POTEF: variants seen among roughly 807,000 people sequenced by gnomAD.
The protein encoded by POTEF is ANKRD26-like family C member 1B.
Under a neutral mutation model 83.2 loss-of-function variants are expected in POTEF, and 20 were observed. The ratio of observed to expected loss-of-function variants is 0.24; its 90% CI spans 0.17 to 0.35. POTEF has a LOEUF of 0.35. Among genes scored for constraint, POTEF ranks in the 10% least tolerant of loss-of-function variants. The probability of loss-of-function intolerance (pLI) is 1.00; values close to 1 mark genes in which losing one functional copy is unlikely to be tolerated. For synonymous variants in POTEF, 196 were observed against 446.4 expected, an observed-to-expected ratio of 0.44 and a Z score of 7.07; for missense variants, 550 against 1,203.2, an observed-to-expected ratio of 0.46 and a Z score of 8.03.
intron 2 of POTEF, among the ~76,000 whole-genome samples, chr2:130,123,064 T>C (rs1401927414): frequency 1.5e-5 from 2 of 135,442 alleles, no homozygotes; most frequent in Admixed American, 1.6e-4. Flanking sequence ...AATCCATCTG[T>C]TGTAATACAC....
At position 130,114,978 on chromosome 2, in the gene POTEF, T is replaced by C; in HGVS notation, c.713A>G (p.Tyr238Cys). ...AGCGTAGTGCAGAGTGGTATTTCCA[T>C]ACTCATCTGGAATATTTGGATCAGT... The part of the protein sequence containing the change: ...HGTDPNIPDE[Y>C]GNTTLHYAIY... The change falls in exon 5 of 17, where the codon TAT becomes TGT. Residue 238 changes from tyrosine to cysteine, a missense_variant. By Grantham distance (194) the Tyr-to-Cys change is radical. Transcript: ENST00000409914. 6.5e-7 allele frequency: 1 copy of C among 1,528,336 alleles called. No individual in the cohort carries two copies. Among genetic ancestry groups the C allele is most frequent in the East Asian group, 2.3e-5 (1 of 42,648 alleles). The allele number at this position is 1,528,336 out of a possible 1,614,324, so 94.7% of individuals were successfully genotyped here.
In POTEF at chr2:130,075,289, C is replaced by A. The variant is rs755975114; in HGVS notation, c.2183G>T (p.Arg728Leu). 3.1e-6 allele frequency: 5 copies of A among 1,612,376 alleles called. No homozygotes were observed. The change falls in exon 17 of 17, where the codon CGG becomes CTG. Residue 728 changes from arginine (R) to leucine (L), a missense_variant. Arg to Leu is a moderately radical substitution (Grantham distance 102). Transcript: ENST00000409914. ...KAGFAGDDAP[R>L]AVFPSIVGRP... ...CCCCACGATGGAAGGGAAGACAGCC[C>A]GGGGGGCATCGTCGCCCGCAAAGCC...
rs1357120072 is a variant in POTEF, at chr2:130,087,633, T to A, written c.1551+434A>T. On this transcript the variant is annotated intron_variant, in intron 13 of 16. Transcript: ENST00000409914. Reference sequence around the variant, plus strand: ...AATAAATTTTAAGAATCTATTAAAATTTTTTTTTTTTTTTTTTTCACATGG... The same window carrying A: ...AATAAATTTTAAGAATCTATTAAAAATTTTTTTTTTTTTTTTTTCACATGG... Among the ~76,000 whole-genome samples the A allele has an allele frequency of 2.2e-4, 29 of 131,700 alleles. No individual in the cohort carries two copies. The East Asian group carries it at 3.0e-3, about 14-fold the overall frequency. 86.4% of individuals were successfully genotyped at this position (131,700 alleles called of 152,430 possible). A position where few individuals can be genotyped will look rare whatever the true frequency, so the allele number is the denominator to read the frequency against.
chr2:130,112,963 CA>C (rs1160697651), intron 5 of POTEF, among the ~76,000 whole-genome samples: 1 of 151,856 alleles, frequency 6.6e-6, no homozygotes, highest in African/African-American at 2.4e-5. Flanking sequence ...AGACTACTCA[CA>C]GCAAATTTCT....
chr2:130,075,412 T>G lies in POTEF; in HGVS notation c.2060A>C (p.Asn687Thr), dbSNP rs573296979. 5 of 1,611,506 alleles carry G rather than the reference T, an allele frequency of 3.1e-6. No homozygotes were observed. The African/African-American group carries it at 6.7e-5, about 22-fold the overall frequency. ...TTGTAGAGCCTTTAAAAGATTATCA[T>G]TCCTTTTTTTCACACTTTCAATATC... is the stretch of plus-strand genomic sequence containing the variant. Reference protein sequence around the residue: ...LEDIESVKKRNDNLLKALQLN... With the variant: ...LEDIESVKKRTDNLLKALQLN... Residue 687 changes from asparagine (N) to threonine (T), a missense_variant, in exon 17 of 17, where the codon AAT (asparagine) becomes ACT (threonine). Coordinates refer to ENST00000409914, the MANE Select transcript of POTEF (RefSeq NM_001099771.2).
At chr2:130,117,661 T>C (rs1018996284) in intron 3 of POTEF, among the ~76,000 whole-genome samples, 3 of 151,942 alleles carry the variant, frequency 2.0e-5, no homozygotes, top group African/African-American at 7.3e-5. Flanking sequence ...GTCCATCCTA[T>C]GGATGCACTG....
chr2:130,119,202 T>C lies in POTEF; in HGVS notation c.521+793A>G, dbSNP rs13408907. 2.6e-3 allele frequency among the ~76,000 whole-genome samples: 400 copies of C among 151,156 alleles called. 4 individuals are homozygous for C. Among genetic ancestry groups the C allele is most frequent in the African/African-American group, 8.6e-3 (352 of 40,748 alleles). ...TTTTTGAAACGGAGTCTCGCTCTGT[T>C]GCCCAGGCTGGAGTGCAGTGGCACT... On this transcript the variant is annotated intron_variant, in intron 3 of 16. Coordinates refer to ENST00000409914, the MANE Select transcript of POTEF (RefSeq NM_001099771.2).
At chr2:130,115,426 C>G (rs971802006) in intron 3 of POTEF, 98 bp from the exon 4 acceptor site, 17 of 1,200,806 alleles carry the variant, frequency 1.4e-5, no homozygotes, top group Middle Eastern at 2.8e-4. Context: ...CCTGCTATTA[C>G]TCTGCCTTCA....
intron 2 of POTEF, among the ~76,000 whole-genome samples, chr2:130,123,144 T>G (rs1164288448): frequency 7.4e-6 from 1 of 134,912 alleles, no homozygotes; most frequent in African/African-American, 2.9e-5. Flanking sequence ...GTCTAGTTGT[T>G]ATTTAAAAAA....
In POTEF at chr2:130,073,974, A is replaced by G. The variant is rs1230238621; in HGVS notation, c.*270T>C. 1.5e-5 allele frequency: 10 copies of G among 667,186 alleles called. No homozygotes were observed. The African/African-American group carries it at 1.6e-4, about 11-fold the overall frequency. The allele number at this position is 667,186 out of a possible 1,614,324, so 41.3% of individuals were successfully genotyped here. A position where few individuals can be genotyped will look rare whatever the true frequency, so the allele number is the denominator to read the frequency against. ...GCAGGGCAAGGGGCTTCCTGAAACAATGCGTCTCACAATATTTGGAATGAC... is the reference window on the plus strand; with the variant it reads ...GCAGGGCAAGGGGCTTCCTGAAACAGTGCGTCTCACAATATTTGGAATGAC... On this transcript the variant is annotated 3_prime_UTR_variant, in exon 17 of 17. Coordinates refer to ENST00000409914, the MANE Select transcript of POTEF (RefSeq NM_001099771.2).
intron 1 of POTEF, 116 bp downstream of exon 1, chr2:130,128,956 G>A (rs1329876273): frequency 3.9e-5 from 4 of 103,882 alleles, no homozygotes; most frequent in Admixed American, 1.1e-4. Context: ...ATGCAACCTC[G>A]GAGAGTGCCC....
At chr2:130,082,877 GA>G (rs1328379830) in intron 15 of POTEF, among the ~76,000 whole-genome samples, 4 of 1,872 alleles carry the variant, frequency 2.1e-3, no homozygotes, top group Non-Finnish European at 5.0e-3. Flanking sequence ...TAGATTTCAG[GA>G]AGGACATCAG....
chr2:130,107,729 C>G (rs910267540), intron 8 of POTEF: 15 of 407,226 alleles, frequency 3.7e-5, no homozygotes, highest in Non-Finnish European at 5.4e-5. Flanking sequence ...TGATCTGTCA[C>G]TGTCTCACTT....
At chr2:130,104,437 A>G (rs989270874) in intron 8 of POTEF, among the ~76,000 whole-genome samples, 24 of 145,868 alleles carry the variant, frequency 1.6e-4, no homozygotes, top group Non-Finnish European at 3.0e-4. Context: ...TACAAAAAAC[A>G]CTCTTTCTCT....
intron 5 of POTEF, among the ~76,000 whole-genome samples, chr2:130,114,019 T>C (rs1364436703): frequency 1.3e-5 from 2 of 152,060 alleles, no homozygotes; most frequent in African/African-American, 2.4e-5. Flanking sequence ...CCAGACACTC[T>C]AGATTTGAAA....
At chr2:130,119,195 G>A (rs1270184291) in intron 3 of POTEF, among the ~76,000 whole-genome samples, 4 of 146,500 alleles carry the variant, frequency 2.7e-5, no homozygotes, top group South Asian at 2.1e-4. Flanking sequence ...ACGGAGTCTC[G>A]CTCTGTTGCC....
chr2:130,118,520 C>A (rs1421193204), intron 3 of POTEF, among the ~76,000 whole-genome samples: 1 of 151,376 alleles, frequency 6.6e-6, no homozygotes, highest in Non-Finnish European at 1.5e-5. Flanking sequence ...GATGGTGAAA[C>A]CCCATCTCTA....
chr2:130,113,759 T>C (rs1684771794), intron 5 of POTEF, among the ~76,000 whole-genome samples: 1 of 151,270 alleles, frequency 6.6e-6, no homozygotes, highest in South Asian at 2.1e-4. Context: ...TTTAAACATT[T>C]TCCTCAGGTT....
At chr2:130,121,935 T>C (rs1475581021) in intron 2 of POTEF, among the ~76,000 whole-genome samples, 1 of 149,176 alleles carries the variant, frequency 6.7e-6, no homozygotes, top group Non-Finnish European at 1.5e-5. Context: ...TTTGCACCCA[T>C]TAGCAATCTT....
Sources: gnomAD v4.1 joint callset for allele counts (sites outside exome capture counted in the v4.1 genomes callset) on GRCh38, gnomAD v4.1.1 for gene constraint, MANE v1.5 for transcripts, NCBI Gene and HGNC (gene_info 2026-07-23, HGNC 2026-07-21) for gene names.